Variants in NHS observed in about 807,000 individuals in gnomAD.
NHS encodes the protein actin remodeling regulator NHS.
In NHS, 5 loss-of-function variants were observed where a neutral mutation model predicts 72.5. That is an observed-to-expected ratio of 0.07 (90% CI 0.04 to 0.14). The LOEUF (loss-of-function observed/expected upper bound fraction) is 0.14. Ranked by LOEUF, NHS falls within the 10% of genes least tolerant of loss-of-function variation. The probability of loss-of-function intolerance (pLI) is 1.00; values close to 1 mark genes in which losing one functional copy is unlikely to be tolerated. For synonymous variants in NHS, 464 were observed against 547.7 expected (o/e 0.85, Z 2.13); for missense variants, 1,072 against 1,355.7 (o/e 0.79, Z 3.29).
chrX:17,727,997 C>T lies in NHS; in HGVS notation c.3891C>T (p.Asp1297=), dbSNP rs761463158. 1.1e-5 allele frequency: 13 copies of T among 1,209,581 alleles called. No homozygotes were observed. The highest frequency in any genetic ancestry group is 2.3e-4 in the Middle Eastern group (1 of 4,373). ...TAATACAATATGGACCTGGTCCAGA[C>T]GAAACTCTAGAACAGGTACAGAAGG... ...GKIIQYGPGP[D]ETLEQVQKAP... is the part of the protein sequence containing the mutation. Residue 1297 remains aspartate (D), a synonymous_variant, in exon 7 of 9, where the codon GAC becomes GAT. Coordinates refer to ENST00000676302, the MANE Select transcript of NHS (RefSeq NM_001291867.2).
chrX:17,453,305 A>G (rs930956564), intron 1 of NHS, among the ~76,000 whole-genome samples: 1 of 111,666 alleles, frequency 9.0e-6, no homozygotes, highest in Non-Finnish European at 1.9e-5. Flanking sequence ...CTGTGCATAG[A>G]AGGCATGGGG....
At chrX:17,391,516 A>C (rs111919080) in intron 1 of NHS, among the ~76,000 whole-genome samples, 534 of 111,989 alleles carry the variant, frequency 4.8e-3, no homozygotes, top group African/African-American at 0.016. Context: ...TTGTTTTATC[A>C]TTATTATTAT....
At chrX:17,531,817 A>G (rs112477487) in intron 1 of NHS, among the ~76,000 whole-genome samples, 1,585 of 112,666 alleles carry the variant, frequency 0.014, 35 homozygotes, top group African/African-American at 0.048. Context: ...CATCCTGCCA[A>G]TGGCCCCTCA....
intron 1 of NHS, among the ~76,000 whole-genome samples, chrX:17,619,311 A>G (rs1171104312): frequency 8.9e-6 from 1 of 112,382 alleles, no homozygotes; most frequent in East Asian, 2.8e-4. Flanking sequence ...GGAGCAGAGC[A>G]TCTCAGCTGA....
chrX:17,567,332 C>G (rs1235793268), intron 1 of NHS, among the ~76,000 whole-genome samples: 12 of 111,533 alleles, frequency 1.1e-4, no homozygotes, highest in Non-Finnish European at 1.1e-4. Context: ...TTAGGAGCAG[C>G]GATGTCCAGC....
chrX:17,658,528 G>C (rs1185262953), intron 1 of NHS, among the ~76,000 whole-genome samples: 1 of 111,807 alleles, frequency 8.9e-6, no homozygotes, highest in Admixed American at 9.4e-5. Context: ...ATCGTGACTG[G>C]GGGGAAGGAA....
At chrX:17,701,102 TTG>T (rs1367587206) in intron 3 of NHS, among the ~76,000 whole-genome samples, 1 of 112,024 alleles carries the variant, frequency 8.9e-6, no homozygotes, top group African/African-American at 3.3e-5. Flanking sequence ...CCACACAGAT[TTG>T]TAGCCTAGGA....
intron 1 of NHS, among the ~76,000 whole-genome samples, chrX:17,632,618 C>T (rs994642465): frequency 1.8e-5 from 2 of 108,605 alleles, no homozygotes; most frequent in Admixed American, 9.9e-5. Context: ...CAAAAAAAAA[C>T]GAAGACCCCG....
At chrX:17,524,139 G>A (rs1336120366) in intron 1 of NHS, among the ~76,000 whole-genome samples, 5 of 112,062 alleles carry the variant, frequency 4.5e-5, no homozygotes, top group East Asian at 2.8e-4. Context: ...TACAGGACAG[G>A]TGCAAGAATA....
chrX:17,391,048 A>T (rs899280130), intron 1 of NHS, among the ~76,000 whole-genome samples: 2 of 111,697 alleles, frequency 1.8e-5, no homozygotes, highest in African/African-American at 6.5e-5. Context: ...AGGAAAATTA[A>T]AACAAACAAA....
intron 4 of NHS, among the ~76,000 whole-genome samples, chrX:17,720,462 C>T (rs1357458254): frequency 1.8e-5 from 2 of 112,334 alleles, no homozygotes; most frequent in Non-Finnish European, 3.8e-5. Context: ...CCACCTTCCT[C>T]CAAATTGTGT....
At chrX:17,545,156 T>G (rs181209367) in intron 1 of NHS, among the ~76,000 whole-genome samples, 84 of 112,252 alleles carry the variant, frequency 7.5e-4, no homozygotes, top group African/African-American at 2.6e-3. Flanking sequence ...TTAGCCACCT[T>G]CATGCCCCAA....
intron 3 of NHS, among the ~76,000 whole-genome samples, chrX:17,712,036 A>C (rs1190351931): frequency 3.7e-5 from 4 of 107,579 alleles, no homozygotes; most frequent in Admixed American, 1.0e-4. Flanking sequence ...TATGTTTAAG[A>C]TTAGATACTG....
chrX:17,514,487 C>T (rs995156862), intron 1 of NHS, among the ~76,000 whole-genome samples: 2 of 112,112 alleles, frequency 1.8e-5, no homozygotes, highest in African/African-American at 3.2e-5. Flanking sequence ...CAGGGGCTCT[C>T]GGGCCTTTGG....
chrX:17,724,225 TA>T, intron 5 of NHS, 73 bp from the exon 6 acceptor site: 2 of 1,171,202 alleles, frequency 1.7e-6, no homozygotes, highest in Non-Finnish European at 2.3e-6. Flanking sequence ...CCGTCAAAAA[TA>T]TCACTGTGTT....
intron 1 of NHS, among the ~76,000 whole-genome samples, chrX:17,482,154 G>A (rs1395435104): frequency 8.9e-6 from 1 of 111,809 alleles, no homozygotes; most frequent in Non-Finnish European, 1.9e-5. Flanking sequence ...AAAACAAAAG[G>A]ACTGCTTCAT....
chrX:17,540,815 TATGCCTGTA>T (rs751274818), intron 1 of NHS, among the ~76,000 whole-genome samples: 1 of 112,226 alleles, frequency 8.9e-6, no homozygotes, highest in African/African-American at 3.2e-5. Flanking sequence ...CACGGTGGCT[TATGCCTGTA>T]ATCCCTGCAC....
chrX:17,728,275 A>T lies in NHS; in HGVS notation c.4169A>T (p.Asp1390Val). Residue 1390 changes from aspartate to valine, a missense_variant, in exon 7 of 9, where the codon GAT becomes GTT. By Grantham distance (152) the Asp-to-Val change is radical (BLOSUM62 -3). Coordinates refer to ENST00000676302, the MANE Select transcript of NHS (RefSeq NM_001291867.2). ...GGTATTTCAGCCAAAAGTGCCTCTG[A>T]TAACAGCAAAGCAGAGGAGACCCAA... is the stretch of plus-strand genomic sequence containing the variant. Reference protein sequence around the residue: ...ASGISAKSASDNSKAEETQGN... With the variant: ...ASGISAKSASVNSKAEETQGN... The T allele has an allele frequency of 8.3e-7, 1 of 1,212,085 alleles. No homozygotes were observed. Among genetic ancestry groups the T allele is most frequent in the Non-Finnish European group, 1.1e-6 (1 of 895,551 alleles).
chrX:17,542,046 A>G (rs1374148797), intron 1 of NHS, among the ~76,000 whole-genome samples: 1 of 112,353 alleles, frequency 8.9e-6, no homozygotes, highest in Non-Finnish European at 1.9e-5. Context: ...TTGAAAAACA[A>G]ACCAGTAGGG....
Sources: gnomAD v4.1 joint callset for allele counts (sites outside exome capture counted in the v4.1 genomes callset) on GRCh38, gnomAD v4.1.1 for gene constraint, MANE v1.5 for transcripts, NCBI Gene and HGNC (gene_info 2026-07-23, HGNC 2026-07-21) for gene names.